Variants in NMBR observed in about 807,000 individuals in gnomAD.
The protein encoded by NMBR is neuromedin-B receptor.
A neutral mutation model predicts 20.5 loss-of-function variants in NMBR; 16 were observed. That is an observed-to-expected ratio of 0.78 (90% CI 0.53 to 1.19). NMBR has a LOEUF of 1.19. Ranked by LOEUF, NMBR falls within the 50% of genes most tolerant of loss-of-function variation. The pLI is 0.00. For synonymous variants in NMBR, 212 were observed against 196.6 expected, an observed-to-expected ratio of 1.08 and a Z score of -0.65; for missense variants, 582 against 499.1, an observed-to-expected ratio of 1.17 and a Z score of -1.58.
intron 1 of NMBR, among the ~76,000 whole-genome samples, chr6:142,116,533 G>A (rs1008125586): frequency 1.3e-5 from 2 of 152,082 alleles, no homozygotes; most frequent in East Asian, 3.9e-4. Context: ...TTTGAGTACT[G>A]ACATCTTGAC....
At position 142,078,805 on chromosome 6, in the gene NMBR, A is replaced by T. The variant is rs370281298; in HGVS notation, c.521T>A (p.Leu174Gln). 2 of 1,613,870 alleles carry T rather than the reference A, an allele frequency of 1.2e-6. No homozygotes were observed. Among genetic ancestry groups the T allele is most frequent in the African/African-American group, 2.7e-5 (2 of 74,840 alleles). The change falls in exon 3 of 4, where the codon CTG becomes CAG. Residue 174 changes from leucine to glutamine, a missense_variant. Transcript: ENST00000258042. ...AMGIWVVSVL[L>Q]AVPEAVFSEV... ...TGAAAACACCGCTTCGGGAACTGCC[A>T]GCAACACGGAGACCACCCAGATACC...
At chr6:142,086,719 A>G (rs1777207434) in intron 2 of NMBR, among the ~76,000 whole-genome samples, 1 of 152,096 alleles carries the variant, frequency 6.6e-6, no homozygotes, top group Non-Finnish European at 1.5e-5. Context: ...AAGGATTATT[A>G]TTTTCTCTGA....
intron 1 of NMBR, among the ~76,000 whole-genome samples, chr6:142,127,339 G>A (rs568466803): frequency 3.3e-5 from 5 of 151,882 alleles, no homozygotes; most frequent in Non-Finnish European, 7.4e-5. Context: ...ATTTCCGTTT[G>A]TCTGTGTGTC....
rs1777688161 is a variant in NMBR, at chr6:142,107,867, TC to T, written c.-663-18547del. On this transcript the variant is annotated intron_variant, in intron 1 of 3. Coordinates refer to ENST00000258042, the MANE Select transcript of NMBR (RefSeq NM_002511.4). ...ACAATGTCTCAACAAATAGAGACTA[TC>T]AAAAAAAAAGTAAAAGTTATTTTAA... 4.6e-5 allele frequency among the ~76,000 whole-genome samples: 4 copies of T among 87,608 alleles called. No homozygotes were observed. The South Asian group carries it at 1.3e-3, about 28-fold the overall frequency. 57.5% of individuals were successfully genotyped at this position (87,608 alleles called of 152,430 possible).
At chr6:142,125,608 T>C (rs572217807) in intron 1 of NMBR, among the ~76,000 whole-genome samples, 61 of 151,976 alleles carry the variant, frequency 4.0e-4, no homozygotes, top group African/African-American at 1.2e-3. Context: ...GCTGGTATTA[T>C]ATATAGATGC....
At chr6:142,079,503 T>C (rs1582834772) in intron 2 of NMBR, among the ~76,000 whole-genome samples, 1 of 152,200 alleles carries the variant, frequency 6.6e-6, no homozygotes, top group Non-Finnish European at 1.5e-5. Context: ...ATATGTTACA[T>C]CTATCATAAT....
At chr6:142,096,608 G>A (rs1203974411) in intron 1 of NMBR, among the ~76,000 whole-genome samples, 1 of 151,876 alleles carries the variant, frequency 6.6e-6, no homozygotes, top group Non-Finnish European at 1.5e-5. Flanking sequence ...GGTCAATTTT[G>A]GAATAGGTGT....
At chr6:142,129,893 GAA>G (rs1319830131) in intron 1 of NMBR, among the ~76,000 whole-genome samples, 2 of 152,152 alleles carry the variant, frequency 1.3e-5, no homozygotes, top group Non-Finnish European at 1.5e-5. Flanking sequence ...TCAAGGACGT[GAA>G]ATAATCTGCT....
intron 1 of NMBR, among the ~76,000 whole-genome samples, chr6:142,137,827 G>T (rs1442606863): frequency 1.3e-5 from 2 of 152,104 alleles, no homozygotes; most frequent in Non-Finnish European, 2.9e-5. Flanking sequence ...AACCAGCCTT[G>T]CATCCCAGGG....
intron 1 of NMBR, among the ~76,000 whole-genome samples, chr6:142,125,521 T>TAAATGTGCATGCATATACACATA (rs1554215499): frequency 1.4e-5 from 1 of 70,504 alleles, no homozygotes; most frequent in Non-Finnish European, 3.6e-5. Flanking sequence ...ACATACACAA[T>TAAATGTGCATGCATATACACATA]TACTCATGCT....
At chr6:142,081,089 C>T (rs7758432) in intron 2 of NMBR, among the ~76,000 whole-genome samples, 76,069 of 151,872 alleles carry the variant, frequency 0.5, 19,550 homozygotes, top group East Asian at 0.74. Context: ...TGGTGAGAGT[C>T]CCCCTTTTTT....
At chr6:142,081,657 AT>A (rs1777099906) in intron 2 of NMBR, among the ~76,000 whole-genome samples, 1 of 152,234 alleles carries the variant, frequency 6.6e-6, no homozygotes, top group African/African-American at 2.4e-5. Context: ...AACTGTGTGT[AT>A]CTTTGAAAGG....
intron 1 of NMBR, among the ~76,000 whole-genome samples, chr6:142,090,444 T>A (rs1451895193): frequency 6.6e-6 from 1 of 151,972 alleles, no homozygotes; most frequent in African/African-American, 2.4e-5. Flanking sequence ...TTGTAATCAA[T>A]TTTAAGTTTT....
Position 142,075,933 on chromosome 6 carries a change from A to C in NMBR, c.888T>G (p.Ile296Met). 6.2e-7 allele frequency: 1 copy of C among 1,614,076 alleles called. No homozygotes were observed. Among genetic ancestry groups the C allele is most frequent in the Non-Finnish European group, 8.5e-7 (1 of 1,179,948 alleles). Residue 296 changes from isoleucine to methionine, a missense_variant, in exon 4 of 4, where the codon ATT becomes ATG. Coordinates refer to ENST00000258042, the MANE Select transcript of NMBR (RefSeq NM_002511.4). Reference protein sequence around the residue: ...YMYRSFNYNEIDPSLGHMIVT... With the variant: ...YMYRSFNYNEMDPSLGHMIVT... ...CAATCATGTGGCCTAGAGATGGATC[A>C]ATCTCATTATAGTTGAAAGACCGAT...
At chr6:142,079,155 G>A (rs1582834567) in intron 2 of NMBR, among the ~76,000 whole-genome samples, 1 of 71,864 alleles carries the variant, frequency 1.4e-5, no homozygotes, top group Non-Finnish European at 2.5e-5. Context: ...AAGAAGAGAG[G>A]AGAGGAGAGG....
chr6:142,137,093 G>T (rs1229208185), intron 1 of NMBR, among the ~76,000 whole-genome samples: 3 of 152,116 alleles, frequency 2.0e-5, no homozygotes, highest in African/African-American at 2.4e-5. Flanking sequence ...GGGCAGTATG[G>T]CCATTTTCAC....
intron 1 of NMBR, chr6:142,133,796 T>A: frequency 1.8e-6 from 1 of 553,024 alleles, no homozygotes; most frequent in Non-Finnish European, 3.3e-6. Flanking sequence ...TTTTTAAATG[T>A]CCTCCTTTAA....
At chr6:142,108,850 T>C (rs1420151621) in intron 1 of NMBR, among the ~76,000 whole-genome samples, 1 of 152,086 alleles carries the variant, frequency 6.6e-6, no homozygotes, top group Non-Finnish European at 1.5e-5. Context: ...AAAGTCTACA[T>C]CCAAAGTCTC....
chr6:142,134,231 A>G (rs961479151), intron 1 of NMBR, among the ~76,000 whole-genome samples: 5 of 152,108 alleles, frequency 3.3e-5, no homozygotes, highest in Admixed American at 2.6e-4. Context: ...GCATTTTATT[A>G]TCTACTAATG....
Sources: gnomAD v4.1 joint callset for allele counts (sites outside exome capture counted in the v4.1 genomes callset) on GRCh38, gnomAD v4.1.1 for gene constraint, MANE v1.5 for transcripts, NCBI Gene and HGNC (gene_info 2026-07-23, HGNC 2026-07-21) for gene names.